LCMT2: variants seen among roughly 807,000 people sequenced by gnomAD.
LCMT2 encodes the protein tRNA wybutosine-synthesizing protein 4.
In LCMT2, 34 loss-of-function variants were observed where a neutral mutation model predicts 42.0. That is an observed-to-expected ratio of 0.81 (90% confidence interval 0.62 to 1.08). LCMT2 has a LOEUF of 1.08. Ranked by LOEUF, LCMT2 falls within the 50% of genes least tolerant of loss-of-function variation. The probability of loss-of-function intolerance (pLI) is 0.00; values close to 1 mark genes in which losing one functional copy is unlikely to be tolerated. For missense variants in LCMT2, 1,091 were observed against 889.4 expected (o/e 1.23, Z -2.88); for synonymous variants, 445 against 369.5 (o/e 1.20, Z -2.34).
Position 43,329,800 on chromosome 15 carries a change from G to A in LCMT2, c.690C>T (p.Phe230=), listed in dbSNP as rs750451543. The A allele has an allele frequency of 1.2e-6, 2 of 1,613,818 alleles. No individual in the cohort carries two copies. The highest frequency in any genetic ancestry group is 1.7e-5 in the Admixed American group (1 of 60,016). The change falls in exon 1 of 1, where the codon TTC becomes TTT. Residue 230 remains phenylalanine (F), a synonymous_variant. Coordinates refer to ENST00000305641, the MANE Select transcript of LCMT2 (RefSeq NM_014793.5). The stretch of plus-strand genomic sequence containing the variant: ...TTAGCTGCCGAAAATGTTGCAGCAT[G>A]AACTGGCCAAAGGCGTCTTGAGGCC... ...QMRPQDAFGQ[F]MLQHFRQLNS... is the part of the protein sequence containing the mutation.
At position 43,329,416 on chromosome 15, in the gene LCMT2, A is replaced by G. The variant is rs750122122; in HGVS notation, c.1074T>C (p.Tyr358=). 2.7e-5 allele frequency: 44 copies of G among 1,614,006 alleles called. No homozygotes were observed. The highest frequency in any genetic ancestry group is 4.5e-5 in the East Asian group (2 of 44,890). Residue 358 remains tyrosine, a synonymous_variant, in exon 1 of 1, where the codon TAT becomes TAC. Transcript: ENST00000305641. ...SEGQVPNLKR[Y]GHASVFLSPD... is the part of the protein sequence containing the mutation. ...GGCTCAAGAAGACAGAGGCGTGGCC[A>G]TATCTCTTCAGGTTTGGGACCTGGC...
rs2043152802 is a variant in LCMT2, at chr15:43,329,609, T to A, written c.881A>T (p.Asp294Val). ...CTTCAGATGCCACTCCTCAAATTCG[T>A]CAAAGGGTTCAATATTTTCCACCCG... ...RRRVENIEPF[D>V]EFEEWHLKCA... Residue 294 changes from aspartate (D) to valine (V), a missense_variant, in exon 1 of 1, where the codon GAC (aspartate) becomes GTC (valine). Transcript: ENST00000305641. The A allele has an allele frequency of 6.2e-7, 1 of 1,613,938 alleles. No individual in the cohort carries two copies. Among genetic ancestry groups the A allele is most frequent in the Non-Finnish European group, 8.5e-7 (1 of 1,180,026 alleles).
rs375717550 is a variant in LCMT2, at chr15:43,330,022, G to A, written c.468C>T (p.Cys156=). The part of the protein sequence containing the change: ...SALCFESADY[C]ILGLDLRQLQ... ...GCTGCCGCAAGTCCAGACCCAGGAT[G>A]CAGTAGTCTGCGCTCTCAAAGCACA... The change falls in exon 1 of 1, where the codon TGC becomes TGT. Residue 156 remains cysteine, a synonymous_variant. Transcript: ENST00000305641. 1 of 1,612,532 alleles carries A rather than the reference G, an allele frequency of 6.2e-7. No individual in the cohort carries two copies. The highest frequency in any genetic ancestry group is 8.5e-7 in the Non-Finnish European group (1 of 1,179,956).
chr15:43,329,946 G>A lies in LCMT2; in HGVS notation c.544C>T (p.Pro182Ser). 1 of 1,612,572 alleles carries A rather than the reference G, an allele frequency of 6.2e-7. No homozygotes were observed. Among genetic ancestry groups the A allele is most frequent in the Non-Finnish European group, 8.5e-7 (1 of 1,179,798 alleles). ...ACCGCCTCGGCCAGGAGCAGAGTGG[G>A]TGAGGCTGCGTCGAGCCCCGCGGCG... ...LGAAGLDAASPTLLLAEAVLT... is the reference protein window; with the variant it reads ...LGAAGLDAASSTLLLAEAVLT... Residue 182 changes from proline to serine, a missense_variant, in exon 1 of 1, where the codon CCC becomes TCC. Pro to Ser is a moderately conservative substitution (Grantham distance 74). Coordinates refer to ENST00000305641, the MANE Select transcript of LCMT2 (RefSeq NM_014793.5).
chr15:43,328,482 A>G lies in LCMT2; in HGVS notation c.2008T>C (p.Phe670Leu). 1.2e-6 allele frequency: 2 copies of G among 1,614,196 alleles called. No homozygotes were observed. Among genetic ancestry groups the G allele is most frequent in the East Asian group, 2.2e-5 (1 of 44,878 alleles). The change falls in exon 1 of 1, where the codon TTC becomes CTC. Residue 670 changes from phenylalanine to leucine, a missense_variant. By Grantham distance (22) the Phe-to-Leu change is conservative. Coordinates refer to ENST00000305641, the MANE Select transcript of LCMT2 (RefSeq NM_014793.5). ...TCTAATGTGACTGTATGGGGGTTGA[A>G]GTAGGTACCAAAGGAAAAGCAGTTC... is the stretch of plus-strand genomic sequence containing the variant. Reference protein sequence around the residue: ...GGNCFSFGTYFNPHTVTLDLS... With the variant: ...GGNCFSFGTYLNPHTVTLDLS...
chr15:43,324,663 AAAC>A lies in LCMT2; in HGVS notation c.*3763_*3765del, dbSNP rs2043108500. ...AAAGCAAACAAACAAACAAACAAACAAACAAACCCAAAAAACCTCACCTTATTA... is the reference window on the plus strand; with the variant it reads ...AAAGCAAACAAACAAACAAACAAACAAAACCCAAAAAACCTCACCTTATTA... On this transcript the variant is annotated 3_prime_UTR_variant, in exon 1 of 1. Transcript: ENST00000305641. 7.0e-6 allele frequency: 1 copy of A among 143,546 alleles called. No individual in the cohort carries two copies. The highest frequency in any genetic ancestry group is 2.4e-5 in the African/African-American group (1 of 40,824). 8.9% of individuals were successfully genotyped at this position (143,546 alleles called of 1,614,324 possible). A position where few individuals can be genotyped will look rare whatever the true frequency, so the allele number is the denominator to read the frequency against.
In LCMT2 at chr15:43,330,258, G is replaced by C; in HGVS notation, c.232C>G (p.Gln78Glu). The C allele has an allele frequency of 4.4e-6, 7 of 1,603,772 alleles. No homozygotes were observed. The highest frequency in any genetic ancestry group is 5.9e-6 in the Non-Finnish European group (7 of 1,178,168). Reference sequence around the variant, plus strand: ...AAGATCTGCGCGCGAAGCGCGGCCTGGGGCGCGCCAATCTGCTCCAAAAAA... The same window carrying C: ...AAGATCTGCGCGCGAAGCGCGGCCTCGGGCGCGCCAATCTGCTCCAAAAAA... Reference protein sequence around the residue: ...RAFLEQIGAPQAALRAQILSL... With the variant: ...RAFLEQIGAPEAALRAQILSL... The change falls in exon 1 of 1, where the codon CAG becomes GAG. Residue 78 changes from glutamine (Q) to glutamate (E), a missense_variant. Gln to Glu is a conservative substitution (Grantham distance 29). Coordinates refer to ENST00000305641, the MANE Select transcript of LCMT2 (RefSeq NM_014793.5).
In LCMT2 at chr15:43,330,320, T is replaced by C. The variant is rs775116688; in HGVS notation, c.170A>G (p.Tyr57Cys). The C allele has an allele frequency of 1.2e-6, 2 of 1,601,026 alleles. No homozygotes were observed. Among genetic ancestry groups the C allele is most frequent in the South Asian group, 1.1e-5 (1 of 90,628 alleles). The change falls in exon 1 of 1, where the codon TAC becomes TGC. Residue 57 changes from tyrosine to cysteine, a missense_variant. Transcript: ENST00000305641. ...RRAPLIHRGY[Y>C]VRARAVRHCV... is the part of the protein sequence containing the mutation. ...GTGCCTCACGGCGCGTGCGCGGACGTAGTAGCCTCGGTGAATGAGCGGTGC... is the reference window on the plus strand; with the variant it reads ...GTGCCTCACGGCGCGTGCGCGGACGCAGTAGCCTCGGTGAATGAGCGGTGC...
In LCMT2 at chr15:43,329,903, G is replaced by T. The variant is rs1164721881; in HGVS notation, c.587C>A (p.Pro196Gln). The change falls in exon 1 of 1, where the codon CCG becomes CAG. Residue 196 changes from proline (P) to glutamine (Q), a missense_variant. Transcript: ENST00000305641. ...LAEAVLTYLE[P>Q]ESAAALIAWA... ...GGCGATGAGGGCCGCGGCACTCTCC[G>T]GCTCGAGGTAGGTCAGCACCGCCTC... 1 of 1,613,094 alleles carries T rather than the reference G, an allele frequency of 6.2e-7. No homozygotes were observed. The highest frequency in any genetic ancestry group is 8.5e-7 in the Non-Finnish European group (1 of 1,179,856).
Position 43,328,983 on chromosome 15 carries a change from C to T in LCMT2, c.1507G>A (p.Val503Met), listed in dbSNP as rs1362073591. 5.6e-6 allele frequency: 9 copies of T among 1,614,090 alleles called. No individual in the cohort carries two copies. In the East Asian group the frequency reaches 6.7e-5, roughly 12 times the overall value. ...EYLFVYGGRS[V>M]VEPVLSDWHF... ...CAGTCACTTAGTACAGGTTCCACCA[C>T]GCTTCGACCCCCATACACAAACAAA... Residue 503 changes from valine (V) to methionine (M), a missense_variant, in exon 1 of 1, where the codon GTG (valine) becomes ATG (methionine). By Grantham distance (21) the Val-to-Met change is conservative. Coordinates refer to ENST00000305641, the MANE Select transcript of LCMT2 (RefSeq NM_014793.5).
rs554162727 is a variant in LCMT2, at chr15:43,329,676, T to A, written c.814A>T (p.Asn272Tyr). The change falls in exon 1 of 1, where the codon AAT becomes TAT. Residue 272 changes from asparagine to tyrosine, a missense_variant. Physicochemically the swap from Asn to Tyr is moderately radical, Grantham distance 143. Transcript: ENST00000305641. ...GWTACGAVDM[N>Y]EFYHCFLPAE... ...GGAAGAAAGCAGTGATAGAATTCAT[T>A]CATGTCCACGGCACCGCAGGCGGTC... 1.2e-6 allele frequency: 2 copies of A among 1,613,668 alleles called. No homozygotes were observed. The highest frequency in any genetic ancestry group is 1.1e-5 in the South Asian group (1 of 91,092).
Position 43,330,198 on chromosome 15 carries a change from G to A in LCMT2, c.292C>T (p.Arg98Cys). The change falls in exon 1 of 1, where the codon CGC (arginine) becomes TGC (cysteine). Residue 98 changes from arginine to cysteine, a missense_variant. Coordinates refer to ENST00000305641, the MANE Select transcript of LCMT2 (RefSeq NM_014793.5). The part of the protein sequence containing the change: ...LGAGFDSLYF[R>C]LKTAGRLARA... ...GCCAGGCGGCCCGCGGTTTTTAAGC[G>A]AAAATAGAGCGAGTCGAAGCCAGCG... is the stretch of plus-strand genomic sequence containing the variant. The A allele has an allele frequency of 6.2e-7, 1 of 1,611,702 alleles. No homozygotes were observed. Among genetic ancestry groups the A allele is most frequent in the Non-Finnish European group, 8.5e-7 (1 of 1,179,874 alleles).
chr15:43,330,436 G>A lies in LCMT2; in HGVS notation c.54C>T (p.Asp18=). Residue 18 remains aspartate (D), a synonymous_variant, in exon 1 of 1, where the codon GAC becomes GAT. Transcript: ENST00000305641. The part of the protein sequence containing the change: ...RRAGAVQNTN[D]SSALSKRSLA... ...GGGAACGCTTGCTGAGGGCGCTGCT[G>A]TCGTTGGTGTTCTGTACCGCGCCTG... 1 of 1,555,770 alleles carries A rather than the reference G, an allele frequency of 6.4e-7. No homozygotes were observed. Among genetic ancestry groups the A allele is most frequent in the Non-Finnish European group, 8.6e-7 (1 of 1,158,828 alleles).
In LCMT2 at chr15:43,329,432, G is replaced by C; in HGVS notation, c.1058C>G (p.Pro353Arg). Reference protein sequence around the residue: ...ASVVSSEGQVPNLKRYGHASV... With the variant: ...ASVVSSEGQVRNLKRYGHASV... Reference sequence around the variant, plus strand: ...GGCGTGGCCATATCTCTTCAGGTTTGGGACCTGGCCCTCGCTACTGACTAC... The same window carrying C: ...GGCGTGGCCATATCTCTTCAGGTTTCGGACCTGGCCCTCGCTACTGACTAC... Residue 353 changes from proline to arginine, a missense_variant, in exon 1 of 1, where the codon CCA becomes CGA. Coordinates refer to ENST00000305641, the MANE Select transcript of LCMT2 (RefSeq NM_014793.5). 6.2e-7 allele frequency: 1 copy of C among 1,614,154 alleles called. No individual in the cohort carries two copies. The highest frequency in any genetic ancestry group is 8.5e-7 in the Non-Finnish European group (1 of 1,180,016).
chr15:43,329,943 T>C lies in LCMT2; in HGVS notation c.547A>G (p.Thr183Ala), dbSNP rs965767387. The C allele has an allele frequency of 1.9e-6, 3 of 1,612,116 alleles. No homozygotes were observed. The highest frequency in any genetic ancestry group is 1.3e-5 in the African/African-American group (1 of 74,890). The stretch of plus-strand genomic sequence containing the variant: ...AGCACCGCCTCGGCCAGGAGCAGAG[T>C]GGGTGAGGCTGCGTCGAGCCCCGCG... The part of the protein sequence containing the change: ...GAAGLDAASP[T>A]LLLAEAVLTY... Residue 183 changes from threonine (T) to alanine (A), a missense_variant, in exon 1 of 1, where the codon ACT (threonine) becomes GCT (alanine). Transcript: ENST00000305641.
rs1167742693 is a variant in LCMT2 at position 43,327,853 on chromosome 15, G to A, written c.*576C>T. ...GAACCAATAGCAAAACATTTAAAAA[G>A]TATGTTGGTAAAGGAAGTCCTACAA... On this transcript the variant is annotated 3_prime_UTR_variant, in exon 1 of 1. Coordinates refer to ENST00000305641, the MANE Select transcript of LCMT2 (RefSeq NM_014793.5). 6.5e-6 allele frequency: 1 copy of A among 153,222 alleles called. No individual in the cohort carries two copies. Among genetic ancestry groups the A allele is most frequent in the Admixed American group, 6.5e-5 (1 of 15,480 alleles). 9.5% of individuals were successfully genotyped at this position (153,222 alleles called of 1,614,324 possible). A position where few individuals can be genotyped will look rare whatever the true frequency, so the allele number is the denominator to read the frequency against.
chr15:43,330,568 G>T lies in LCMT2; in HGVS notation c.-79C>A. ...GTTAGCACACACCTCACGGACCTCG[G>T]TAGGGGGAAAAAAACCACCCATGCT... On this transcript the variant is annotated 5_prime_UTR_variant, in exon 1 of 1. Transcript: ENST00000305641. The T allele has an allele frequency of 6.9e-7, 1 of 1,456,282 alleles. No homozygotes were observed. The highest frequency in any genetic ancestry group is 2.5e-4 in the Middle Eastern group (1 of 3,922). The allele number at this position is 1,456,282 out of a possible 1,614,324, so 90.2% of individuals were successfully genotyped here. A position where few individuals can be genotyped will look rare whatever the true frequency, so the allele number is the denominator to read the frequency against.
chr15:43,327,983 T>C lies in LCMT2; in HGVS notation c.*446A>G, dbSNP rs1385392724. Reference sequence around the variant, plus strand: ...CATTTCAGGTTTCCTACATGAAGAATTGTCAATACTACGCTCCCTCAACTA... The same window carrying C: ...CATTTCAGGTTTCCTACATGAAGAACTGTCAATACTACGCTCCCTCAACTA... On this transcript the variant is annotated 3_prime_UTR_variant, in exon 1 of 1. Coordinates refer to ENST00000305641, the MANE Select transcript of LCMT2 (RefSeq NM_014793.5). 3 of 161,084 alleles carry C rather than the reference T, an allele frequency of 1.9e-5. No individual in the cohort carries two copies. The highest frequency in any genetic ancestry group is 1.8e-4 in the East Asian group (1 of 5,532). The allele number at this position is 161,084 out of a possible 1,614,324, so 10.0% of individuals were successfully genotyped here.
chr15:43,329,721 G>T lies in LCMT2; in HGVS notation c.769C>A (p.Arg257Ser), dbSNP rs372659442. 2.5e-5 allele frequency: 40 copies of T among 1,613,334 alleles called. No homozygotes were observed. In the African/African-American group the frequency reaches 5.3e-4, roughly 21 times the overall value. The change falls in exon 1 of 1, where the codon CGC (arginine) becomes AGC (serine). Residue 257 changes from arginine (R) to serine (S), a missense_variant. By Grantham distance (110) the Arg-to-Ser change is moderately radical. Transcript: ENST00000305641. ...GCGGTCCAGCCAGCTTGAAGGAAGCGGCGCCGCTGCGCCTCCACGTCAGGA... is the reference window on the plus strand; with the variant it reads ...GCGGTCCAGCCAGCTTGAAGGAAGCTGCGCCGCTGCGCCTCCACGTCAGGA... ...RFPDVEAQRR[R>S]FLQAGWTACG...
Sources: allele counts gnomAD v4.1 joint callset, GRCh38; gene constraint gnomAD v4.1.1; transcripts MANE v1.5; gene names NCBI Gene and HGNC (gene_info 2026-07-23, HGNC 2026-07-21).